MIS18A: variants seen among roughly 807,000 people sequenced by gnomAD.
MIS18A encodes the protein protein Mis18-alpha.
Under a neutral mutation model 25.0 loss-of-function variants are expected in MIS18A, and 14 were observed. That is an observed-to-expected ratio of 0.56 (90% confidence interval 0.37 to 0.88). The LOEUF (loss-of-function observed/expected upper bound fraction) is 0.88, where lower values mean the gene tolerates loss of function less well. Among genes scored for constraint, MIS18A ranks in the 40% least tolerant of loss-of-function variants. The probability of loss-of-function intolerance (pLI) is 0.00; values close to 1 mark genes in which losing one functional copy is unlikely to be tolerated. For missense variants in MIS18A, 292 were observed against 290.8 expected (o/e 1.00, Z -0.03); for synonymous variants, 134 against 118.6 (o/e 1.13, Z -0.84).
chr21:32,174,880 C>A, the MIS18A span, among the ~76,000 whole-genome samples: 1 of 152,194 alleles, frequency 6.6e-6, no homozygotes, highest in East Asian at 1.9e-4. Context: ...GGTCATAACA[C>A]AAGTCTCAAA....
chr21:32,265,443 T>C (rs1375312708), downstream of MIS18A, among the ~76,000 whole-genome samples: 2 of 152,224 alleles, frequency 1.3e-5, no homozygotes, highest in African/African-American at 2.4e-5. Context: ...CCAGCCCTGC[T>C]GGCCCCGGGC....
the MIS18A span, among the ~76,000 whole-genome samples, chr21:32,158,212 A>C: frequency 6.6e-6 from 1 of 152,232 alleles, no homozygotes; most frequent in African/African-American, 2.4e-5. Context: ...TTAGATAATT[A>C]GTAAAAGTTA....
At chr21:32,182,127 G>T in the MIS18A span, among the ~76,000 whole-genome samples, 1 of 152,152 alleles carries the variant, frequency 6.6e-6, no homozygotes, top group East Asian at 1.9e-4. Context: ...CTTCCTTGGA[G>T]CAAACCGCAA....
chr21:32,254,043 T>C, the MIS18A span, among the ~76,000 whole-genome samples: 4 of 151,192 alleles, frequency 2.6e-5, no homozygotes, highest in African/African-American at 9.8e-5. Flanking sequence ...GAGACCAGCC[T>C]GTCCAATATG....
chr21:32,193,498 AGATAGATAGATAGATAGATAGATG>A, the MIS18A span, among the ~76,000 whole-genome samples: 3 of 108,252 alleles, frequency 2.8e-5, no homozygotes, highest in Admixed American at 1.0e-4. Context: ...ATAGATAGAT[AGATAGATAGATAGATAGATAGATG>A]GATAGATCGA....
At chr21:32,266,752 G>A (rs975980191), downstream of MIS18A, among the ~76,000 whole-genome samples, 1 of 151,984 alleles carries the variant, frequency 6.6e-6, no homozygotes, top group Non-Finnish European at 1.5e-5. Flanking sequence ...AACACTCACT[G>A]CGAGAGTCCG....
the MIS18A span, among the ~76,000 whole-genome samples, chr21:32,207,297 C>T: frequency 2.0e-5 from 3 of 152,100 alleles, no homozygotes; most frequent in African/African-American, 4.8e-5. Flanking sequence ...CCAAAAGAAA[C>T]AGCTCAGGGT....
chr21:32,277,909 G>T (rs1257608270), intron 1 of MIS18A: 2 of 152,174 alleles, frequency 1.3e-5, no homozygotes, highest in Non-Finnish European at 2.9e-5. Context: ...TAAGCCGGTG[G>T]TGAATTACTG....
At chr21:32,241,389 CAAG>C in the MIS18A span, among the ~76,000 whole-genome samples, 1 of 145,670 alleles carries the variant, frequency 6.9e-6, no homozygotes, top group Non-Finnish European at 1.5e-5. Context: ...AAAAAAAACT[CAAG>C]AAAGCAACAG....
chr21:32,235,982 C>T, the MIS18A span, among the ~76,000 whole-genome samples: 1 of 152,140 alleles, frequency 6.6e-6, no homozygotes, highest in Admixed American at 6.5e-5. Context: ...CAAGTGGCAT[C>T]AGAGAACTCT....
the MIS18A span, chr21:32,156,430 A>G: frequency 6.6e-6 from 1 of 152,320 alleles, no homozygotes; most frequent in Middle Eastern, 3.4e-3. Context: ...CAGTCCGGAT[A>G]AATGCTCCAC....
chr21:32,163,448 T>C, the MIS18A span, among the ~76,000 whole-genome samples: 1 of 152,152 alleles, frequency 6.6e-6, no homozygotes, highest in African/African-American at 2.4e-5. Flanking sequence ...CCCTCACACC[T>C]GGTTCTTAGA....
chr21:32,273,703 G>A (rs1157672739), intron 2 of MIS18A, among the ~76,000 whole-genome samples: 3 of 152,174 alleles, frequency 2.0e-5, no homozygotes, highest in Admixed American at 6.5e-5. Flanking sequence ...GAGGTATTTG[G>A]TCATAAGTGC....
the MIS18A span, among the ~76,000 whole-genome samples, chr21:32,196,342 A>G: frequency 2.6e-5 from 4 of 151,878 alleles, no homozygotes; most frequent in Non-Finnish European, 5.9e-5. Flanking sequence ...TGGAACTCAC[A>G]CCATCAGCTC....
At chr21:32,267,861 G>A (rs1007858288), downstream of MIS18A, among the ~76,000 whole-genome samples, 22 of 152,308 alleles carry the variant, frequency 1.4e-4, no homozygotes, top group East Asian at 1.9e-3. Context: ...AGTAGCCTGC[G>A]AGAGAGAACG....
chr21:32,267,278 T>C (rs1048864191), downstream of MIS18A, among the ~76,000 whole-genome samples: 1 of 152,254 alleles, frequency 6.6e-6, no homozygotes, highest in African/African-American at 2.4e-5. Flanking sequence ...GATGCTTCAG[T>C]GGAGACCATG....
chr21:32,278,674 A>C lies in MIS18A; in HGVS notation c.334+7T>G, dbSNP rs1446681280. ...ACGCCCCCCCTGCCCGGCTCGACCC[A>C]ACTGACAGCGAAGCAGGATGCAGTT... On this transcript the variant is annotated splice_region_variant and intron_variant, in intron 1 of 4. Transcript: ENST00000290130. 2 of 1,534,040 alleles carry C rather than the reference A, an allele frequency of 1.3e-6. No homozygotes were observed. Among genetic ancestry groups the C allele is most frequent in the Non-Finnish European group, 1.7e-6 (2 of 1,144,532 alleles).
rs1380879137 is a variant in MIS18A at position 32,278,726 on chromosome 21, T to A, written c.289A>T (p.Ser97Cys). 1 of 1,581,302 alleles carries A rather than the reference T, an allele frequency of 6.3e-7. No individual in the cohort carries two copies. The highest frequency in any genetic ancestry group is 2.3e-5 in the East Asian group (1 of 44,106). ...GCRRPLGDSL[S>C]WVASQEDTNC... ...GTGTCCTCCTGGCTGGCCACCCAGC[T>A]CAGCGAGTCGCCCAGCGGCCGCCGG... Residue 97 changes from serine (S) to cysteine (C), a missense_variant, in exon 1 of 5, where the codon AGC (serine) becomes TGC (cysteine). Coordinates refer to ENST00000290130, the MANE Select transcript of MIS18A (RefSeq NM_018944.3).
the MIS18A span, among the ~76,000 whole-genome samples, chr21:32,157,433 G>A: frequency 6.6e-6 from 1 of 151,646 alleles, no homozygotes; most frequent in Non-Finnish European, 1.5e-5. Flanking sequence ...TCTGGGTCCT[G>A]CAAGCTCTTA....
Sources: allele counts gnomAD v4.1 joint callset (sites outside exome capture counted in the v4.1 genomes callset), GRCh38; gene constraint gnomAD v4.1.1; transcripts MANE v1.5; gene names NCBI Gene and HGNC (gene_info 2026-07-23, HGNC 2026-07-21).